Variants in CYP4Z1 observed in about 807,000 individuals in gnomAD.
CYP4Z1 encodes the protein cytochrome P450 4Z1.
In CYP4Z1, 41 loss-of-function variants were observed where a neutral mutation model predicts 54.2. That is an observed-to-expected ratio of 0.76 (90% CI 0.59 to 0.98). The LOEUF (loss-of-function observed/expected upper bound fraction) is 0.98. Among genes scored for constraint, CYP4Z1 ranks in the 50% least tolerant of loss-of-function variants. CYP4Z1 has a pLI of 0.00. For missense variants in CYP4Z1, 513 were observed against 599.0 expected (o/e 0.86, Z 1.50); for synonymous variants, 163 against 206.2 (o/e 0.79, Z 1.79).
upstream of CYP4Z1, among the ~76,000 whole-genome samples, chr1:47,067,161 G>A (rs956561258): frequency 2.0e-5 from 3 of 152,118 alleles, no homozygotes. Flanking sequence ...AATGTATAGA[G>A]GTGTGACAAA....
At chr1:47,087,570 C>T (rs1335872139) in intron 6 of CYP4Z1, among the ~76,000 whole-genome samples, 1 of 152,280 alleles carries the variant, frequency 6.6e-6, no homozygotes, top group South Asian at 2.1e-4. Flanking sequence ...GCTGAAGTTG[C>T]TTATCAGCTT....
upstream of CYP4Z1, among the ~76,000 whole-genome samples, chr1:47,066,104 C>T (rs1286491457): frequency 6.6e-6 from 1 of 151,926 alleles, no homozygotes; most frequent in Non-Finnish European, 1.5e-5. Context: ...ATCACACATT[C>T]AAAGAAGAAG....
chr1:47,057,300 G>T, the CYP4Z1 span, among the ~76,000 whole-genome samples: 20 of 121,438 alleles, frequency 1.6e-4, no homozygotes, highest in African/African-American at 6.2e-4. Context: ...CTGTTAGTCT[G>T]ATGGGCTTCC....
At chr1:47,102,382 C>A (rs10890455) in intron 8 of CYP4Z1, among the ~76,000 whole-genome samples, 63,510 of 151,948 alleles carry the variant, frequency 0.42, 14,628 homozygotes, top group East Asian at 0.97. Flanking sequence ...TGTAGTGGTA[C>A]CATTTGAGCT....
At chr1:47,097,493 C>G (rs542209144) in intron 7 of CYP4Z1, among the ~76,000 whole-genome samples, 1 of 152,270 alleles carries the variant, frequency 6.6e-6, no homozygotes, top group South Asian at 2.1e-4. Flanking sequence ...GATTTTTGCA[C>G]ATAATGTAAA....
chr1:47,089,326 T>G (rs1202312706), intron 6 of CYP4Z1, among the ~76,000 whole-genome samples: 1 of 150,354 alleles, frequency 6.7e-6, no homozygotes, highest in Admixed American at 6.6e-5. Flanking sequence ...TTTTTAATAA[T>G]TTTTTTTTAA....
At chr1:47,059,719 AAC>A in the CYP4Z1 span, among the ~76,000 whole-genome samples, 1 of 152,158 alleles carries the variant, frequency 6.6e-6, no homozygotes, top group South Asian at 2.1e-4. Flanking sequence ...CTGATGAAAG[AAC>A]ATTTAATTTC....
intron 6 of CYP4Z1, among the ~76,000 whole-genome samples, chr1:47,093,518 A>G (rs1644655225): frequency 6.6e-6 from 1 of 152,246 alleles, no homozygotes; most frequent in African/African-American, 2.4e-5. Context: ...AATGGAGGCA[A>G]TGTGCCAAAT....
At chr1:47,058,761 G>T in the CYP4Z1 span, among the ~76,000 whole-genome samples, 2 of 151,988 alleles carry the variant, frequency 1.3e-5, no homozygotes, top group Admixed American at 1.3e-4. Flanking sequence ...GCTCTTTCTT[G>T]TCCCTACTCT....
chr1:47,093,402 A>G (rs1644653706), intron 6 of CYP4Z1, among the ~76,000 whole-genome samples: 1 of 152,164 alleles, frequency 6.6e-6, no homozygotes, highest in African/African-American at 2.4e-5. Flanking sequence ...ACACAACCTT[A>G]GCTTATCCAC....
chr1:47,057,988 A>G, the CYP4Z1 span, among the ~76,000 whole-genome samples: 3 of 152,034 alleles, frequency 2.0e-5, no homozygotes, highest in African/African-American at 7.2e-5. Context: ...GATCACCATG[A>G]ACTTCTGCAA....
At chr1:47,109,721 G>A (rs1252178831) in intron 9 of CYP4Z1, among the ~76,000 whole-genome samples, 1 of 152,160 alleles carries the variant, frequency 6.6e-6, no homozygotes, top group Non-Finnish European at 1.5e-5. Context: ...CAAAGAAATT[G>A]GAGTTAGGAA....
chr1:47,085,308 G>C (rs1345745586), intron 6 of CYP4Z1, among the ~76,000 whole-genome samples: 1 of 152,064 alleles, frequency 6.6e-6, no homozygotes, highest in Non-Finnish European at 1.5e-5. Flanking sequence ...GGAAGACAGA[G>C]CAGGACATCT....
chr1:47,056,249 C>T, the CYP4Z1 span, among the ~76,000 whole-genome samples: 2 of 152,116 alleles, frequency 1.3e-5, no homozygotes, highest in African/African-American at 4.8e-5. Flanking sequence ...TTTCTTGATC[C>T]TGAGTTCTAG....
At chr1:47,117,094 A>G (rs1569767816) in intron 11 of CYP4Z1, among the ~76,000 whole-genome samples, 2 of 152,288 alleles carry the variant, frequency 1.3e-5, no homozygotes, top group Admixed American at 6.5e-5. Flanking sequence ...ACAGAGAGCA[A>G]TGTTGTTCTA....
At chr1:47,069,550 G>T (rs1336129235) in intron 2 of CYP4Z1, among the ~76,000 whole-genome samples, 1 of 151,374 alleles carries the variant, frequency 6.6e-6, no homozygotes, top group East Asian at 2.0e-4. Context: ...ACTTTACTCT[G>T]CTCCCCTTTA....
intron 11 of CYP4Z1, 31 bp from the exon 12 acceptor site, chr1:47,117,735 G>A (rs1420574919): frequency 6.3e-7 from 1 of 1,586,370 alleles, no homozygotes; most frequent in Non-Finnish European, 8.6e-7. Context: ...AAATTCATTA[G>A]ATGCCATGTT....
rs1376002657 is a variant in CYP4Z1, at chr1:47,067,560, C to T, written c.70C>T (p.Leu24=). 6.2e-7 allele frequency: 1 copy of T among 1,613,796 alleles called. No individual in the cohort carries two copies. Residue 24 remains leucine, a synonymous_variant, in exon 1 of 12, where the codon CTG becomes TTG. Transcript: ENST00000334194. ...GCTGCTGATCCTCCTCTGCATGTCT[C>T]TGCTGCTGTTTCAGGTAATCAGGTT... ...FLLLILLCMS[L]LLFQVIRLYQ...
At chr1:47,106,485 G>A (rs1010719945) in intron 9 of CYP4Z1, among the ~76,000 whole-genome samples, 7 of 152,198 alleles carry the variant, frequency 4.6e-5, no homozygotes, top group Admixed American at 1.3e-4. Flanking sequence ...TGGACTGAGG[G>A]TTGGGTGAGG....
Sources: allele counts gnomAD v4.1 joint callset (sites outside exome capture counted in the v4.1 genomes callset), GRCh38; gene constraint gnomAD v4.1.1; transcripts MANE v1.5; gene names NCBI Gene and HGNC (gene_info 2026-07-23, HGNC 2026-07-21).